PARD3B: variants seen among roughly 807,000 people sequenced by gnomAD.
PARD3B encodes partitioning defective 3 homolog B.
A neutral mutation model predicts 130.2 loss-of-function variants in PARD3B; 103 were observed. The observed-to-expected ratio is 0.79, with a 90% CI of 0.67 to 0.93. The LOEUF is 0.93. PARD3B is among the 40% of genes least tolerant of loss of function. The pLI is 0.00. For missense variants in PARD3B, 1,609 were observed against 1,499.2 expected (o/e 1.07, Z -1.21); for synonymous variants, 583 against 553.2 (o/e 1.05, Z -0.76).
chr2:205,477,303 CTT>C (rs2049058163), intron 20 of PARD3B, among the ~76,000 whole-genome samples: 2 of 152,148 alleles, frequency 1.3e-5, no homozygotes, highest in Admixed American at 1.3e-4. Context: ...TGAATATTCT[CTT>C]TGGTGCAGAG....
intron 2 of PARD3B, among the ~76,000 whole-genome samples, chr2:204,901,798 T>C (rs1017214763): frequency 2.0e-5 from 3 of 152,134 alleles, no homozygotes; most frequent in Non-Finnish European, 2.9e-5. Context: ...CCAAGGGCTC[T>C]TTAGTCAGCA....
rs1371816540 is a variant in PARD3B at position 204,843,731 on chromosome 2, C to T, written c.223-121421C>T. Among the ~76,000 whole-genome samples the T allele has an allele frequency of 3.3e-5, 5 of 152,248 alleles. No individual in the cohort carries two copies. In the South Asian group the frequency reaches 8.3e-4, roughly 25 times the overall value. On this transcript the variant is annotated intron_variant, in intron 2 of 22. Transcript: ENST00000406610. ...GAGTTTAAAGCCAGAGAAGCAGGTG[C>T]ATCTGAATTTCTGCCTTTGTCTGTT...
intron 2 of PARD3B, among the ~76,000 whole-genome samples, chr2:204,764,608 T>A (rs1276702864): frequency 6.6e-6 from 1 of 151,990 alleles, no homozygotes; most frequent in East Asian, 1.9e-4. Context: ...AAACTTTGAA[T>A]AAATAGATGC....
intron 21 of PARD3B, among the ~76,000 whole-genome samples, chr2:205,513,272 T>A (rs2050662585): frequency 6.6e-6 from 1 of 152,112 alleles, no homozygotes; most frequent in Non-Finnish European, 1.5e-5. Flanking sequence ...GTGGCTTTCG[T>A]GTGGTTCCAG....
At chr2:205,009,468 G>A (rs376989771) in intron 3 of PARD3B, among the ~76,000 whole-genome samples, 2 of 151,578 alleles carry the variant, frequency 1.3e-5, no homozygotes, top group East Asian at 3.9e-4. Context: ...TCAGGAGATC[G>A]AGACCATCCT....
At chr2:205,488,286 C>G (rs895084964) in intron 20 of PARD3B, among the ~76,000 whole-genome samples, 1 of 152,036 alleles carries the variant, frequency 6.6e-6, no homozygotes, top group South Asian at 2.1e-4. Context: ...GGTTGGGGAA[C>G]ACAGGGCCAG....
chr2:204,718,572 A>T (rs983698353), intron 2 of PARD3B, among the ~76,000 whole-genome samples: 2 of 152,112 alleles, frequency 1.3e-5, no homozygotes, highest in Non-Finnish European at 2.9e-5. Context: ...TGTGGGGATT[A>T]CAATTTGAGA....
chr2:205,588,752 A>G (rs1417932927), intron 22 of PARD3B, among the ~76,000 whole-genome samples: 4 of 152,242 alleles, frequency 2.6e-5, no homozygotes, highest in Admixed American at 2.0e-4. Context: ...TAAAGAAAAT[A>G]AAAGCTCATC....
At chr2:205,354,631 T>G (rs2044127486) in intron 18 of PARD3B, among the ~76,000 whole-genome samples, 1 of 152,178 alleles carries the variant, frequency 6.6e-6, no homozygotes, top group Non-Finnish European at 1.5e-5. Context: ...TCCTCATTTC[T>G]TGATGAAGAT....
chr2:204,794,047 A>T (rs1469909737), intron 2 of PARD3B, among the ~76,000 whole-genome samples: 2 of 152,150 alleles, frequency 1.3e-5, no homozygotes, highest in African/African-American at 2.4e-5. Flanking sequence ...AATTTATTTG[A>T]TGCGAGGGGA....
intron 2 of PARD3B, among the ~76,000 whole-genome samples, chr2:204,703,486 A>G (rs1304781896): frequency 2.0e-5 from 3 of 152,190 alleles, no homozygotes; most frequent in South Asian, 4.1e-4. Flanking sequence ...TACAGAAAAG[A>G]TTGTGAATTT....
At chr2:205,043,546 A>C (rs1465139710) in intron 3 of PARD3B, among the ~76,000 whole-genome samples, 1 of 152,174 alleles carries the variant, frequency 6.6e-6, no homozygotes, top group East Asian at 1.9e-4. Flanking sequence ...GACAGTTAGC[A>C]GTGTTAGTGT....
At chr2:204,978,856 C>G (rs1201920308) in intron 3 of PARD3B, among the ~76,000 whole-genome samples, 2 of 150,016 alleles carry the variant, frequency 1.3e-5, no homozygotes, top group African/African-American at 2.5e-5. Context: ...CCCAGCTACT[C>G]AGGAGGCTAA....
At chr2:205,521,962 A>G (rs1471533936) in intron 21 of PARD3B, among the ~76,000 whole-genome samples, 1 of 151,964 alleles carries the variant, frequency 6.6e-6, no homozygotes, top group Non-Finnish European at 1.5e-5. Flanking sequence ...CACCTTTTTC[A>G]GCTTTTCTGA....
intron 1 of PARD3B, among the ~76,000 whole-genome samples, chr2:204,607,025 T>TA (rs2033747541): frequency 6.6e-6 from 1 of 152,174 alleles, no homozygotes; most frequent in South Asian, 2.1e-4. Flanking sequence ...TTGAGATTGA[T>TA]ACTTATTTCT....
rs532912288 is a variant in PARD3B, at chr2:205,589,558, A to C, written c.3261-25898A>C. ...GGAAGAGATGGGCACAGTGGAAGTC[A>C]TTTTGGTACCTTCCTTTTTATTTAC... On this transcript the variant is annotated intron_variant, in intron 22 of 22. Coordinates refer to ENST00000406610, the MANE Select transcript of PARD3B (RefSeq NM_001302769.2). This position sits in a 1 kb window ranked among gnomAD's most constrained non-coding sequence, Gnocchi z 4.1. Among the ~76,000 whole-genome samples, 1 of 152,278 alleles carries C rather than the reference A, an allele frequency of 6.6e-6. No individual in the cohort carries two copies. Among genetic ancestry groups the C allele is most frequent in the East Asian group, 1.9e-4 (1 of 5,174 alleles).
At chr2:205,110,791 A>G (rs923234653) in intron 5 of PARD3B, among the ~76,000 whole-genome samples, 3 of 152,002 alleles carry the variant, frequency 2.0e-5, no homozygotes, top group Non-Finnish European at 2.9e-5. Context: ...ATAAATGTGC[A>G]CATGTCCTGT....
chr2:205,544,825 G>A (rs2052316140), intron 21 of PARD3B, among the ~76,000 whole-genome samples: 1 of 152,174 alleles, frequency 6.6e-6, no homozygotes, highest in Non-Finnish European at 1.5e-5. Flanking sequence ...ACATAAATGT[G>A]GAAATGATGC....
chr2:205,093,771 A>G (rs1016880006), intron 4 of PARD3B, among the ~76,000 whole-genome samples: 2 of 152,178 alleles, frequency 1.3e-5, no homozygotes, highest in African/African-American at 4.8e-5. Flanking sequence ...TAAAGTTTTA[A>G]GTTTAAAACA....
Sources: gnomAD v4.1 joint callset for allele counts (sites outside exome capture counted in the v4.1 genomes callset) on GRCh38, gnomAD v4.1.1 for gene constraint, Gnocchi (gnomAD v3.1) non-coding constraint, MANE v1.5 for transcripts, NCBI Gene and HGNC (gene_info 2026-07-23, HGNC 2026-07-21) for gene names.